CSNK1G1: variants seen among roughly 807,000 people sequenced by gnomAD.
CSNK1G1 encodes casein kinase I isoform gamma-1.
CSNK1G1 carries 22 observed loss-of-function variants against 59.6 expected under a neutral mutation model. The ratio of observed to expected loss-of-function variants is 0.37; its 90% CI spans 0.26 to 0.53. The LOEUF is 0.53. CSNK1G1 is among the 20% of genes least tolerant of loss of function. The probability of loss-of-function intolerance (pLI) is 0.89; values close to 1 mark genes in which losing one functional copy is unlikely to be tolerated. For missense variants in CSNK1G1, 384 were observed against 519.5 expected, an observed-to-expected ratio of 0.74 and a Z score of 2.54; for synonymous variants, 179 against 177.1, an observed-to-expected ratio of 1.01 and a Z score of -0.08.
chr15:64,181,599 G>C, intron 10 of CSNK1G1: 1 of 630,346 alleles, frequency 1.6e-6, no homozygotes, highest in Non-Finnish European at 2.5e-6. Context: ...AAGGGAAGCA[G>C]CATAGTGTAG....
chr15:64,320,678 CA>C (rs1031206646), intron 1 of CSNK1G1, among the ~76,000 whole-genome samples: 126 of 43,126 alleles, frequency 2.9e-3, no homozygotes, highest in East Asian at 0.016. Flanking sequence ...GGCTCCATCA[CA>C]AAAAAAAAAA....
chr15:64,278,425 TATATATA>T (rs368129476), intron 2 of CSNK1G1, among the ~76,000 whole-genome samples: 52 of 136,414 alleles, frequency 3.8e-4, no homozygotes, highest in Non-Finnish European at 4.6e-4. Context: ...TGTGTATATA[TATATATA>T]TTTTTTTTTT....
chr15:64,279,904 G>A (rs1894027314), intron 2 of CSNK1G1, among the ~76,000 whole-genome samples: 4 of 151,462 alleles, frequency 2.6e-5, no homozygotes, highest in African/African-American at 7.3e-5. Context: ...CCCAGGAGGC[G>A]GAGGTTGTGG....
At chr15:64,184,305 A>AAAAT (rs900924917) in intron 10 of CSNK1G1, among the ~76,000 whole-genome samples, 11 of 151,846 alleles carry the variant, frequency 7.2e-5, no homozygotes, top group South Asian at 2.1e-4. Context: ...TTCGTCTCAA[A>AAAAT]AAATAAATAA....
chr15:64,292,350 A>C lies in CSNK1G1; in HGVS notation c.181+7969T>G, dbSNP rs567307325. 7.2e-5 allele frequency among the ~76,000 whole-genome samples: 11 copies of C among 152,362 alleles called. No individual in the cohort carries two copies. The South Asian group carries it at 2.3e-3, about 32-fold the overall frequency. Reference sequence around the variant, plus strand: ...AAGTGTCTTACTTTAGAAGCCATGCAGGAGTGTCACAGAACAAGCTGCTAC... The same window carrying C: ...AAGTGTCTTACTTTAGAAGCCATGCCGGAGTGTCACAGAACAAGCTGCTAC... On this transcript the variant is annotated intron_variant, in intron 2 of 11. Transcript: ENST00000303052.
intron 1 of CSNK1G1, among the ~76,000 whole-genome samples, chr15:64,351,557 C>A (rs1237826298): frequency 6.6e-6 from 1 of 152,172 alleles, no homozygotes; most frequent in African/African-American, 2.4e-5. Flanking sequence ...ACTCTAGCAG[C>A]TAGTATACTA....
intron 4 of CSNK1G1, among the ~76,000 whole-genome samples, chr15:64,227,240 G>A (rs978992820): frequency 2.6e-5 from 4 of 152,178 alleles, no homozygotes; most frequent in African/African-American, 7.2e-5. Context: ...CTGAGTTCTT[G>A]CTTACATTTC....
chr15:64,278,655 C>T (rs891198911), intron 2 of CSNK1G1, among the ~76,000 whole-genome samples: 1 of 152,014 alleles, frequency 6.6e-6, no homozygotes, highest in Non-Finnish European at 1.5e-5. Flanking sequence ...TGTCGAACTC[C>T]TGACCTCGTG....
At position 64,272,512 on chromosome 15, in the gene CSNK1G1, C is replaced by T. The variant is rs370270346; in HGVS notation, c.182-13271G>A. Among the ~76,000 whole-genome samples, 125 of 151,992 alleles carry T rather than the reference C, an allele frequency of 8.2e-4. No individual in the cohort carries two copies. The South Asian group carries it at 0.015, about 18-fold the overall frequency. On this transcript the variant is annotated intron_variant, in intron 2 of 11. Transcript: ENST00000303052. ...GATTACAGGTGTGAGACACCACGCC[C>T]GGCCCCACTCTGTGACTTTTAAATG...
chr15:64,291,438 AT>A (rs1894737450), intron 2 of CSNK1G1, among the ~76,000 whole-genome samples: 1 of 152,082 alleles, frequency 6.6e-6, no homozygotes, highest in Non-Finnish European at 1.5e-5. Context: ...AATACAAAAA[AT>A]TAGCTGGGTG....
chr15:64,342,838 G>C (rs762807260), intron 1 of CSNK1G1: 1 of 152,178 alleles, frequency 6.6e-6, no homozygotes, highest in South Asian at 2.1e-4. Flanking sequence ...GTGTACATCA[G>C]AATCATCTGG....
At chr15:64,290,318 T>TAC (rs1037801124) in intron 2 of CSNK1G1, among the ~76,000 whole-genome samples, 1 of 151,000 alleles carries the variant, frequency 6.6e-6, no homozygotes, top group Non-Finnish European at 1.5e-5. Context: ...TATATATATA[T>TAC]ACACATACAC....
chr15:64,192,175 C>G (rs2081980597), intron 10 of CSNK1G1, among the ~76,000 whole-genome samples: 1 of 152,220 alleles, frequency 6.6e-6, no homozygotes, highest in Non-Finnish European at 1.5e-5. Flanking sequence ...AAAGATCACT[C>G]ATGCATACAC....
intron 4 of CSNK1G1, among the ~76,000 whole-genome samples, chr15:64,236,461 A>G (rs1047338697): frequency 2.0e-5 from 3 of 152,196 alleles, no homozygotes; most frequent in Non-Finnish European, 4.4e-5. Context: ...ACCGCAAATA[A>G]TCCAATTTAA....
At chr15:64,243,777 G>C (rs1891602219) in intron 4 of CSNK1G1, among the ~76,000 whole-genome samples, 1 of 152,216 alleles carries the variant, frequency 6.6e-6, no homozygotes, top group South Asian at 2.1e-4. Context: ...GGCTGAGGCA[G>C]GAGGATCACT....
At chr15:64,213,834 G>A in intron 6 of CSNK1G1, 56 bp downstream of exon 6, 1 of 1,206,194 alleles carries the variant, frequency 8.3e-7, no homozygotes, top group Non-Finnish European at 1.2e-6. Context: ...TAATGTTACA[G>A]AAATAATAAA....
intron 2 of CSNK1G1, among the ~76,000 whole-genome samples, chr15:64,297,092 G>A (rs1241366670): frequency 6.6e-6 from 1 of 151,294 alleles, no homozygotes; most frequent in Non-Finnish European, 1.5e-5. Flanking sequence ...ATAAATAACA[G>A]TAAACAATAC....
At chr15:64,299,031 C>T (rs976379444) in intron 2 of CSNK1G1, among the ~76,000 whole-genome samples, 3 of 151,998 alleles carry the variant, frequency 2.0e-5, no homozygotes, top group Non-Finnish European at 4.4e-5. Context: ...CAGAGCAACA[C>T]TCCATCTCAA....
chr15:64,198,394 T>TG (rs1484357518), intron 10 of CSNK1G1, among the ~76,000 whole-genome samples: 2 of 151,522 alleles, frequency 1.3e-5, no homozygotes, highest in Non-Finnish European at 2.9e-5. Flanking sequence ...TTAGTAGAGA[T>TG]GGGGTTTCAC....
Sources: gnomAD v4.1 joint callset for allele counts (sites outside exome capture counted in the v4.1 genomes callset) on GRCh38, gnomAD v4.1.1 for gene constraint, MANE v1.5 for transcripts, NCBI Gene and HGNC (gene_info 2026-07-23, HGNC 2026-07-21) for gene names.